Variants in DNAJC8 observed in about 807,000 individuals in gnomAD.
The protein encoded by DNAJC8 is dnaJ homolog subfamily C member 8.
In DNAJC8, 24 loss-of-function variants were observed where a neutral mutation model predicts 43.2. The observed-to-expected ratio is 0.56, with a 90% CI of 0.40 to 0.78. DNAJC8 has a LOEUF of 0.78. Ranked by LOEUF, DNAJC8 falls within the 30% of genes least tolerant of loss-of-function variation. The pLI is 0.00. For synonymous variants in DNAJC8, 83 were observed against 98.0 expected, an observed-to-expected ratio of 0.85 and a Z score of 0.90; for missense variants, 207 against 299.4, an observed-to-expected ratio of 0.69 and a Z score of 2.28.
chr1:28,228,026 G>A (rs1003745397), intron 2 of DNAJC8, among the ~76,000 whole-genome samples: 1 of 152,110 alleles, frequency 6.6e-6, no homozygotes, highest in Non-Finnish European at 1.5e-5. Flanking sequence ...ATTTATTATA[G>A]TGAAACAGAA....
At chr1:28,216,640 G>GT (rs1211440461) in intron 2 of DNAJC8, among the ~76,000 whole-genome samples, 2 of 151,450 alleles carry the variant, frequency 1.3e-5, no homozygotes, top group Non-Finnish European at 2.9e-5. Context: ...TGGTTCTTGA[G>GT]TTAAAAAAAA....
At chr1:28,204,902 A>G (rs1319848296) in intron 7 of DNAJC8, among the ~76,000 whole-genome samples, 2 of 152,182 alleles carry the variant, frequency 1.3e-5, no homozygotes, top group Non-Finnish European at 2.9e-5. Context: ...GTACACCTGT[A>G]GTCCCAGCTA....
chr1:28,210,359 T>C (rs1646802594), intron 4 of DNAJC8: 10 of 569,944 alleles, frequency 1.8e-5, no homozygotes, highest in Non-Finnish European at 3.1e-5. Flanking sequence ...ACAGTCTTTG[T>C]TGGCATATAA....
intron 5 of DNAJC8, 134 bp from the exon 6 acceptor site, chr1:28,208,547 G>A: frequency 2.4e-6 from 1 of 422,348 alleles, no homozygotes; most frequent in Non-Finnish European, 4.1e-6. Flanking sequence ...AAAAAAAAGA[G>A]CCCCTCCCCT....
chr1:28,225,768 T>C (rs1222408565), intron 2 of DNAJC8, among the ~76,000 whole-genome samples: 2 of 147,072 alleles, frequency 1.4e-5, no homozygotes, highest in African/African-American at 2.5e-5. Context: ...AGTAGCACAA[T>C]CTCGGCTCAC....
intron 8 of DNAJC8, among the ~76,000 whole-genome samples, chr1:28,202,503 T>A (rs1646741332): frequency 6.6e-6 from 1 of 150,780 alleles, no homozygotes; most frequent in South Asian, 2.1e-4. Flanking sequence ...ATGGTTTCGA[T>A]CTCCTGACCT....
At position 28,203,804 on chromosome 1, in the gene DNAJC8, T is replaced by A. The variant is rs570233448; in HGVS notation, c.582A>T (p.Glu194Asp). Residue 194 changes from glutamate to aspartate, a missense_variant, in exon 8 of 9, where the codon GAA becomes GAT. By Grantham distance (45) the Glu-to-Asp change is conservative (BLOSUM62 2). Around this residue, in one of 2 missense-constraint regions of DNAJC8, gnomAD observed 159 missense variants for 267.5 expected, o/e 0.59. Transcript: ENST00000263697. ...EMHERKRQRE[E>D]EIEAQEKAKR... is the part of the protein sequence containing the mutation. Reference sequence around the variant, plus strand: ...TGGCTTTTTCTTGAGCTTCAATCTCTTCTTCCCTTTGTCGTTTCCTAGGAG... The same window carrying A: ...TGGCTTTTTCTTGAGCTTCAATCTCATCTTCCCTTTGTCGTTTCCTAGGAG... The A allele has an allele frequency of 3.1e-5, 50 of 1,614,106 alleles. No homozygotes were observed. The highest frequency in any genetic ancestry group is 4.1e-5 in the Non-Finnish European group (48 of 1,180,050).
At chr1:28,205,125 GT>G (rs1646760052) in intron 7 of DNAJC8, 132 bp downstream of exon 7, 1 of 667,886 alleles carries the variant, frequency 1.5e-6, no homozygotes, top group Non-Finnish European at 2.4e-6. Context: ...AAGCTTGACT[GT>G]TTTTAGGTAA....
At chr1:28,221,095 T>C (rs908011778) in intron 2 of DNAJC8, among the ~76,000 whole-genome samples, 1 of 151,846 alleles carries the variant, frequency 6.6e-6, no homozygotes, top group African/African-American at 2.4e-5. Context: ...ATCCCAGCAC[T>C]TTGGGAGGCT....
At chr1:28,209,213 C>T (rs1368838677) in intron 5 of DNAJC8, among the ~76,000 whole-genome samples, 1 of 152,118 alleles carries the variant, frequency 6.6e-6, no homozygotes, top group Non-Finnish European at 1.5e-5. Context: ...AGTTATGGGC[C>T]CTTTGTCTCC....
rs1256005593 is a variant in DNAJC8, at chr1:28,233,012, C to G, written c.-14G>C. On this transcript the variant is annotated 5_prime_UTR_variant, in exon 1 of 9. Transcript: ENST00000263697. ...TGAAGCCGCCATTTCCCCGGCCCAG[C>G]CACCACGTGACCCTTCTGCGCAGGC... 1.4e-5 allele frequency: 23 copies of G among 1,610,634 alleles called. No homozygotes were observed. The highest frequency in any genetic ancestry group is 1.9e-5 in the Non-Finnish European group (22 of 1,179,950).
At chr1:28,219,382 G>A (rs569583982) in intron 2 of DNAJC8, among the ~76,000 whole-genome samples, 14 of 152,230 alleles carry the variant, frequency 9.2e-5, no homozygotes, top group African/African-American at 3.1e-4. Flanking sequence ...GGTGGCGGGC[G>A]CCTGTGGTCC....
rs977004626 is a variant in DNAJC8, at chr1:28,200,433, C to A, written c.*815G>T. ...AAAAGCTGCTGCAGTAATTCATATTCCCATTTCATAGATGAAGAAACTAAG... is the reference window on the plus strand; with the variant it reads ...AAAAGCTGCTGCAGTAATTCATATTACCATTTCATAGATGAAGAAACTAAG... On this transcript the variant is annotated 3_prime_UTR_variant, in exon 9 of 9. Transcript: ENST00000263697. The A allele has an allele frequency of 2.2e-6, 1 of 454,200 alleles. No homozygotes were observed. The highest frequency in any genetic ancestry group is 4.4e-6 in the Non-Finnish European group (1 of 226,130). The allele number at this position is 454,200 out of a possible 1,614,324, so 28.1% of individuals were successfully genotyped here. A position where few individuals can be genotyped will look rare whatever the true frequency, so the allele number is the denominator to read the frequency against.
At chr1:28,227,003 T>C (rs1332407812) in intron 2 of DNAJC8, among the ~76,000 whole-genome samples, 2 of 149,756 alleles carry the variant, frequency 1.3e-5, no homozygotes, top group Non-Finnish European at 3.0e-5. Flanking sequence ...GTAATGTTAG[T>C]CTGTACTGAG....
At chr1:28,207,449 G>A (rs1646777267) in intron 6 of DNAJC8, among the ~76,000 whole-genome samples, 1 of 151,620 alleles carries the variant, frequency 6.6e-6, no homozygotes, top group South Asian at 2.1e-4. Context: ...TGTTGTTGTT[G>A]TTGTTGTTGT....
chr1:28,212,168 A>AATATATATATATATAT (rs201782610), intron 3 of DNAJC8, among the ~76,000 whole-genome samples: 9 of 31,002 alleles, frequency 2.9e-4, no homozygotes, highest in Non-Finnish European at 5.6e-4. Context: ...TAAATAAATA[A>AATATATATATATATAT]ATATATATAT....
At chr1:28,223,722 AAAAAAG>A (rs1457967920) in intron 2 of DNAJC8, among the ~76,000 whole-genome samples, 2 of 151,518 alleles carry the variant, frequency 1.3e-5, no homozygotes, top group African/African-American at 4.8e-5. Context: ...ACAAAAAAAA[AAAAAAG>A]AAAAAAAGAA....
intron 8 of DNAJC8, among the ~76,000 whole-genome samples, chr1:28,202,814 C>T (rs1646745997): frequency 1.3e-5 from 2 of 151,666 alleles, no homozygotes; most frequent in Admixed American, 1.3e-4. Context: ...AATCTCCTGA[C>T]CTCATGATCT....
intron 3 of DNAJC8, among the ~76,000 whole-genome samples, chr1:28,214,332 C>T (rs1309823156): frequency 6.6e-6 from 1 of 151,872 alleles, no homozygotes; most frequent in Admixed American, 6.6e-5. Flanking sequence ...GTCAGGAGTT[C>T]GTCACCAGCC....
Sources: gnomAD v4.1 joint callset for allele counts (sites outside exome capture counted in the v4.1 genomes callset) on GRCh38, gnomAD v4.1.1 for gene constraint, gnomAD v4.1.1 regional missense constraint, MANE v1.5 for transcripts, NCBI Gene and HGNC (gene_info 2026-07-23, HGNC 2026-07-21) for gene names.